Variants in LMBR1L observed in about 807,000 individuals in gnomAD.
The protein encoded by LMBR1L is limb development membrane protein 1 like.
Under a neutral mutation model 67.3 loss-of-function variants are expected in LMBR1L, and 47 were observed. The observed-to-expected ratio is 0.70, with a 90% CI of 0.55 to 0.89. The LOEUF (loss-of-function observed/expected upper bound fraction) is 0.89. Ranked by LOEUF, LMBR1L falls within the 40% of genes least tolerant of loss-of-function variation. The pLI, the probability that LMBR1L is intolerant of heterozygous loss-of-function variation, is 0.00. For missense variants in LMBR1L, 533 were observed against 599.2 expected, an observed-to-expected ratio of 0.89 and a Z score of 1.15; for synonymous variants, 247 against 250.3, an observed-to-expected ratio of 0.99 and a Z score of 0.13.
At position 49,103,044 on chromosome 12, in the gene LMBR1L, C is replaced by G. The variant is rs752375818; in HGVS notation, c.631+47G>C. The stretch of plus-strand genomic sequence containing the variant: ...TCCCTTTCCTTCTAGCCTGGTTACT[C>G]TGGTCCAAGGACCCTGCCCATTCCC... On this transcript the variant is annotated intron_variant, in intron 7 of 16. Transcript: ENST00000267102. 3 of 1,609,588 alleles carry G rather than the reference C, an allele frequency of 1.9e-6. No individual in the cohort carries two copies. The African/African-American group carries it at 4.0e-5, about 22-fold the overall frequency.
rs35643504 is a variant in LMBR1L at position 49,099,123 on chromosome 12, A to ATT, written c.1241-1020_1241-1019dup. On this transcript the variant is annotated intron_variant, in intron 15 of 16. Transcript: ENST00000267102. ...AACCACCAGGCCTGGCTCACAGCTG[A>ATT]TTTTTTTTTTTTTTTTTTTCTGAGA... 4.0e-3 allele frequency among the ~76,000 whole-genome samples: 411 copies of ATT among 101,940 alleles called. 6 individuals carry two copies. The highest frequency in any genetic ancestry group is 0.011 in the South Asian group (32 of 2,894). 66.9% of individuals were successfully genotyped at this position (101,940 alleles called of 152,430 possible). A position where few individuals can be genotyped will look rare whatever the true frequency, so the allele number is the denominator to read the frequency against.
rs141634230 is a variant in LMBR1L at position 49,098,010 on chromosome 12, G to A, written c.1336C>T (p.Leu446Phe). 6.4e-4 allele frequency: 1,040 copies of A among 1,614,192 alleles called. 1 individual carries two copies. Among genetic ancestry groups the A allele is most frequent in the Non-Finnish European group, 8.2e-4 (971 of 1,180,022 alleles). The change falls in exon 16 of 17, where the codon CTC becomes TTC. Residue 446 changes from leucine (L) to phenylalanine (F), a missense_variant. Around this residue, in one of 3 missense-constraint regions of LMBR1L, gnomAD observed 223 missense variants for 241.2 expected, o/e 0.92. Transcript: ENST00000267102. Reference protein sequence around the residue: ...VFLYNAAFAGLTTLCLVKTFT... With the variant: ...VFLYNAAFAGFTTLCLVKTFT... The stretch of plus-strand genomic sequence containing the variant: ...GTCTTCACCAGACAGAGTGTGGTGA[G>A]GCCTGCAAAGGCTGCGTTGTAGAGG...
intron 15 of LMBR1L, among the ~76,000 whole-genome samples, 154 bp from the exon 16 acceptor site, chr12:49,098,259 T>C (rs1408986969): frequency 6.6e-6 from 1 of 152,200 alleles, no homozygotes; most frequent in African/African-American, 2.4e-5. Flanking sequence ...TCAAGAGCAG[T>C]TCGGGACTGT....
At position 49,102,508 on chromosome 12, in the gene LMBR1L, G is replaced by C; in HGVS notation, c.729C>G (p.Cys243Trp). 1 of 1,614,196 alleles carries C rather than the reference G, an allele frequency of 6.2e-7. No homozygotes were observed. The highest frequency in any genetic ancestry group is 1.3e-5 in the African/African-American group (1 of 75,072). The change falls in exon 9 of 17, where the codon TGC (cysteine) becomes TGG (tryptophan). Residue 243 changes from cysteine to tryptophan, a missense_variant. Transcript: ENST00000267102. ...LLEDLEEQLY[C>W]SAFEEAALTR... ...TCAGGGCTGCCTCCTCAAAGGCTGA[G>C]CAGTACAGCTGCTCCTCCAGGTCTT... is the stretch of plus-strand genomic sequence containing the variant.
At chr12:49,098,451 G>A (rs1170796084) in intron 15 of LMBR1L, among the ~76,000 whole-genome samples, 1 of 152,078 alleles carries the variant, frequency 6.6e-6, no homozygotes, top group Non-Finnish European at 1.5e-5. Context: ...TGTGGTTGCT[G>A]GGCGCTCATA....
chr12:49,102,105 G>A lies in LMBR1L; in HGVS notation c.930+15C>T, dbSNP rs746581448. On this transcript the variant is annotated intron_variant, in intron 11 of 16. Coordinates refer to ENST00000267102, the MANE Select transcript of LMBR1L (RefSeq NM_018113.4). The stretch of plus-strand genomic sequence containing the variant: ...CTGAGGGTCCACTCCTCACCTCTAG[G>A]GCTGGTATACCTACCGTCAGCACCA... 13 of 1,612,070 alleles carry A rather than the reference G, an allele frequency of 8.1e-6. No individual in the cohort carries two copies. The highest frequency in any genetic ancestry group is 1.1e-5 in the Non-Finnish European group (13 of 1,178,220).
rs891479202 is a variant in LMBR1L at position 49,100,652 on chromosome 12, A to T, written c.1083-6T>A. The T allele has an allele frequency of 2.5e-6, 4 of 1,607,460 alleles. No individual in the cohort carries two copies. On this transcript the variant is annotated splice_polypyrimidine_tract_variant and splice_region_variant and intron_variant, in intron 13 of 16. Transcript: ENST00000267102. ...CTGAGGACACCATTAGGTAACTGCC[A>T]CTGCATTAAGGAAGAACTGGCTGGC...
chr12:49,103,982 G>A (rs1006941663), intron 5 of LMBR1L, 169 bp from the exon 6 acceptor site: 12 of 641,848 alleles, frequency 1.9e-5, no homozygotes, highest in Non-Finnish European at 2.6e-5. Context: ...CCAGTCTAAG[G>A]TCACCCCACA....
rs1482620888 is a variant in LMBR1L, at chr12:49,107,002, A to G, written c.116T>C (p.Ile39Thr). ...LFATLYILCHIFLTRFKKPAE... is the reference protein window; with the variant it reads ...LFATLYILCHTFLTRFKKPAE... ...AGGCTTCTTGAAGCGGGTCAGGAAG[A>G]TGTGGCAGAGGATGTACAGTGTTGC... The change falls in exon 2 of 17, where the codon ATC becomes ACC. Residue 39 changes from isoleucine (I) to threonine (T), a missense_variant. Ile to Thr is a moderately conservative substitution (Grantham distance 89). This residue lies in a region of LMBR1L where 246 missense variants were observed against 249.0 expected (regional missense o/e 0.99). Coordinates refer to ENST00000267102, the MANE Select transcript of LMBR1L (RefSeq NM_018113.4). The G allele has an allele frequency of 6.2e-7, 1 of 1,613,860 alleles. No homozygotes were observed. Among genetic ancestry groups the G allele is most frequent in the Non-Finnish European group, 8.5e-7 (1 of 1,179,724 alleles).
chr12:49,098,245 T>C, intron 15 of LMBR1L, 140 bp from the exon 16 acceptor site: 2 of 874,506 alleles, frequency 2.3e-6, no homozygotes, highest in Non-Finnish European at 3.6e-6. Context: ...CCACCCAAGC[T>C]GTCTCAAGAG....
At chr12:49,101,668 T>A in intron 11 of LMBR1L, 119 bp from the exon 12 acceptor site, 1 of 704,430 alleles carries the variant, frequency 1.4e-6, no homozygotes. Context: ...CTGCTTCCAA[T>A]GAGCTATATG....
At chr12:49,109,453 G>A (rs189817695) in intron 1 of LMBR1L, among the ~76,000 whole-genome samples, 1 of 152,122 alleles carries the variant, frequency 6.6e-6, no homozygotes, top group African/African-American at 2.4e-5. Context: ...ACCTAATTAT[G>A]TCCTGGCTCA....
intron 13 of LMBR1L, 43 bp downstream of exon 13, chr12:49,101,207 A>T: frequency 6.2e-7 from 1 of 1,614,102 alleles, no homozygotes; most frequent in Non-Finnish European, 8.5e-7. Flanking sequence ...CCCAGGAGAC[A>T]GGTTTGCTGA....
intron 13 of LMBR1L, 139 bp downstream of exon 13, chr12:49,101,111 A>T (rs1391848800): frequency 1.3e-6 from 2 of 1,568,646 alleles, no homozygotes; most frequent in Non-Finnish European, 1.7e-6. Context: ...TCTGAACCTG[A>T]GGTTGATGAA....
chr12:49,102,187 C>T lies in LMBR1L; in HGVS notation c.863G>A (p.Arg288Gln), dbSNP rs202075719. The T allele has an allele frequency of 5.0e-5, 80 of 1,614,160 alleles. 1 individual carries two copies. In the East Asian group the frequency reaches 9.4e-4, roughly 19 times the overall value. ...GTTCCGTTGCCAGGCTGAAGCCTTCCGCCTCTTCTCTGTGCAGGGATGGGA... is the reference window on the plus strand; with the variant it reads ...GTTCCGTTGCCAGGCTGAAGCCTTCTGCCTCTTCTCTGTGCAGGGATGGGA... ...QTQRVLLEKR[R>Q]KASAWQRNLG... The change falls in exon 11 of 17, where the codon CGG becomes CAG. Residue 288 changes from arginine (R) to glutamine (Q), a missense_variant. Physicochemically the swap from Arg to Gln is conservative, Grantham distance 43 (BLOSUM62 1). Transcript: ENST00000267102.
At chr12:49,098,418 G>A (rs1425185974) in intron 15 of LMBR1L, among the ~76,000 whole-genome samples, 1 of 152,012 alleles carries the variant, frequency 6.6e-6, no homozygotes, top group Non-Finnish European at 1.5e-5. Context: ...AGTTTGCCAA[G>A]TTTTTTTTAG....
rs546262742 is a variant in LMBR1L, at chr12:49,097,425, G to T, written c.*247C>A. 1 of 543,038 alleles carries T rather than the reference G, an allele frequency of 1.8e-6. No individual in the cohort carries two copies. The highest frequency in any genetic ancestry group is 1.9e-5 in the African/African-American group (1 of 53,106). The allele number at this position is 543,038 out of a possible 1,614,324, so 33.6% of individuals were successfully genotyped here. A position where few individuals can be genotyped will look rare whatever the true frequency, so the allele number is the denominator to read the frequency against. ...CAGATTGATGTGTAAACAGATTTGG[G>T]ATCAGGGGCTAGACCCAGTCACCCA... On this transcript the variant is annotated 3_prime_UTR_variant, in exon 17 of 17. Transcript: ENST00000267102.
chr12:49,102,966 G>A lies in LMBR1L; in HGVS notation c.632-15C>T. On this transcript the variant is annotated splice_polypyrimidine_tract_variant and intron_variant, in intron 7 of 16. Transcript: ENST00000267102. The stretch of plus-strand genomic sequence containing the variant: ...TGGAGTACACACTGTAGGGACAAGA[G>A]CCAGTCACTTGCCAGACCCTGCTCT... 6.2e-7 allele frequency: 1 copy of A among 1,613,810 alleles called. No individual in the cohort carries two copies. Among genetic ancestry groups the A allele is most frequent in the Non-Finnish European group, 8.5e-7 (1 of 1,179,758 alleles).
intron 2 of LMBR1L, chr12:49,106,464 C>T: frequency 2.7e-6 from 2 of 753,330 alleles, no homozygotes; most frequent in Non-Finnish European, 4.0e-6. Context: ...TGCCCCCACC[C>T]CCAATTACAC....
Sources: gnomAD v4.1 joint callset for allele counts (sites outside exome capture counted in the v4.1 genomes callset) on GRCh38, gnomAD v4.1.1 for gene constraint, gnomAD v4.1.1 regional missense constraint, MANE v1.5 for transcripts, NCBI Gene and HGNC (gene_info 2026-07-23, HGNC 2026-07-21) for gene names.